Variants in HMOX2 observed in about 807,000 individuals in gnomAD.
HMOX2 encodes heme oxygenase 2.
In HMOX2, 30 loss-of-function variants were observed where a neutral mutation model predicts 33.7. That is an observed-to-expected ratio of 0.89 (90% CI 0.67 to 1.21). The LOEUF is 1.21. HMOX2 is among the 50% of genes most tolerant of loss of function. The probability of loss-of-function intolerance (pLI) is 0.00; values close to 1 mark genes in which losing one functional copy is unlikely to be tolerated. For missense variants in HMOX2, 403 were observed against 399.1 expected, an observed-to-expected ratio of 1.01 and a Z score of -0.08; for synonymous variants, 155 against 155.0, an observed-to-expected ratio of 1.00 and a Z score of 0.00.
At chr16:4,507,158 C>A in intron 3 of HMOX2, 146 bp downstream of exon 3, 1 of 680,986 alleles carries the variant, frequency 1.5e-6, no homozygotes, top group Non-Finnish European at 2.7e-6. Flanking sequence ...TAAGCTCTGG[C>A]TCTCGGCTGG....
chr16:4,506,878 C>T lies in HMOX2; in HGVS notation c.87-17C>T, dbSNP rs1320826713. 5 of 1,561,152 alleles carry T rather than the reference C, an allele frequency of 3.2e-6. No individual in the cohort carries two copies. Among genetic ancestry groups the T allele is most frequent in the Admixed American group, 1.7e-5 (1 of 59,926 alleles). On this transcript the variant is annotated splice_polypyrimidine_tract_variant and intron_variant, in intron 2 of 5. Transcript: ENST00000570646. ...GAAGGGCTAATTGACACACAAACACCTCCCATCTCTCCACAGAATGGCTGA... is the reference window on the plus strand; with the variant it reads ...GAAGGGCTAATTGACACACAAACACTTCCCATCTCTCCACAGAATGGCTGA...
At chr16:4,509,387 C>T (rs747700707) in intron 4 of HMOX2, 25 bp from the exon 5 acceptor site, 13 of 1,605,808 alleles carry the variant, frequency 8.1e-6, no homozygotes, top group Non-Finnish European at 2.5e-6. Context: ...CCAAAGATGG[C>T]TCAGTCGATC....
In HMOX2 at chr16:4,507,725, G is replaced by A. The variant is rs772761316; in HGVS notation, c.217G>A (p.Ala73Thr). The A allele has an allele frequency of 9.9e-6, 16 of 1,613,688 alleles. No homozygotes were observed. The Middle Eastern group carries it at 4.9e-4, about 50-fold the overall frequency. ...GTCACCTCCACAGCTGGCCACCACG[G>A]CACTTTACTTCACATACTCAGCCCT... Reference protein sequence around the residue: ...KKELFKLATTALYFTYSALEE... With the variant: ...KKELFKLATTTLYFTYSALEE... The change falls in exon 4 of 6, where the codon GCA becomes ACA. Residue 73 changes from alanine to threonine, a missense_variant. Ala to Thr is a moderately conservative substitution (Grantham distance 58). Coordinates refer to ENST00000570646, the MANE Select transcript of HMOX2 (RefSeq NM_002134.4).
chr16:4,481,361 A>AG (rs941906035), intron 1 of HMOX2, among the ~76,000 whole-genome samples: 9 of 151,808 alleles, frequency 5.9e-5, no homozygotes, highest in African/African-American at 1.9e-4. Flanking sequence ...AAAAAAAAAA[A>AG]AAAAGAAAAA....
At chr16:4,504,304 T>G (rs2058632727) in intron 1 of HMOX2, among the ~76,000 whole-genome samples, 1 of 151,946 alleles carries the variant, frequency 6.6e-6, no homozygotes, top group Non-Finnish European at 1.5e-5. Flanking sequence ...TTGCCAAGCT[T>G]TTTGTTTCCC....
intron 1 of HMOX2, among the ~76,000 whole-genome samples, chr16:4,486,722 C>T (rs548023632): frequency 2.6e-5 from 4 of 152,126 alleles, no homozygotes; most frequent in Admixed American, 6.6e-5. Context: ...GATAAGAGAC[C>T]GTGCCCAGAG....
intron 1 of HMOX2, among the ~76,000 whole-genome samples, chr16:4,487,989 T>G (rs1596453260): frequency 6.9e-6 from 1 of 144,450 alleles, no homozygotes; most frequent in Non-Finnish European, 1.5e-5. Context: ...CGGGTGTGGT[T>G]TTGCATGCCT....
In HMOX2 at chr16:4,483,930, C is replaced by A. The variant is rs1016527392; in HGVS notation, c.-42+7443C>A. On this transcript the variant is annotated intron_variant, in intron 1 of 5. Transcript: ENST00000570646. ...TCCAGCCTCAAATTTATCTCTGTAT[C>A]TTCTTCTAAATTACAGTATCACACC... Among the ~76,000 whole-genome samples, 7 of 149,904 alleles carry A rather than the reference C, an allele frequency of 4.7e-5. No homozygotes were observed. The East Asian group carries it at 1.4e-3, about 30-fold the overall frequency.
chr16:4,494,969 C>T (rs2058385038), intron 1 of HMOX2, among the ~76,000 whole-genome samples: 1 of 152,058 alleles, frequency 6.6e-6, no homozygotes, highest in Admixed American at 6.5e-5. Flanking sequence ...GCTAGGAGGT[C>T]AAGACCAGTC....
rs552735275 is a variant in HMOX2, at chr16:4,499,726, A to G, written c.-41-5758A>G. ...ATGTGAGCTGATGGATATGTTAATA[A>G]CCCTGATTTAATTATTCCCCAATGT... On this transcript the variant is annotated intron_variant, in intron 1 of 5. Transcript: ENST00000570646. Among the ~76,000 whole-genome samples, 429 of 152,332 alleles carry G rather than the reference A, an allele frequency of 2.8e-3. 3 individuals are homozygous for G. The highest frequency in any genetic ancestry group is 4.6e-3 in the Non-Finnish European group (313 of 68,032).
chr16:4,498,561 G>C (rs2058479859), intron 1 of HMOX2, among the ~76,000 whole-genome samples: 1 of 151,954 alleles, frequency 6.6e-6, no homozygotes, highest in Non-Finnish European at 1.5e-5. Context: ...TTTTCGTAGA[G>C]ACAAGGTCTG....
rs1369676590 is a variant in HMOX2 at position 4,506,900 on chromosome 16, C to G, written c.92C>G (p.Ala31Gly). Residue 31 changes from alanine (A) to glycine (G), a missense_variant, in exon 3 of 6, where the codon GCT becomes GGT. By Grantham distance (60) the Ala-to-Gly change is moderately conservative. Transcript: ENST00000570646. ...CACCTCCCATCTCTCCACAGAATGG[C>G]TGACCTCTCGGAGCTCCTGAAGGAA... ...ALEKENQMRM[A>G]DLSELLKEGT... is the part of the protein sequence containing the mutation. The G allele has an allele frequency of 3.7e-6, 6 of 1,611,886 alleles. No individual in the cohort carries two copies.
At chr16:4,501,907 C>T (rs921208275) in intron 1 of HMOX2, among the ~76,000 whole-genome samples, 2 of 152,228 alleles carry the variant, frequency 1.3e-5, no homozygotes, top group African/African-American at 4.8e-5. Context: ...CCAGGAGCCT[C>T]CTCTGCCCCC....
intron 4 of HMOX2, 25 bp downstream of exon 4, chr16:4,508,229 T>C: frequency 6.3e-7 from 1 of 1,575,482 alleles, no homozygotes; most frequent in Non-Finnish European, 8.6e-7. Flanking sequence ...TGCCAGCTGC[T>C]AGGGCTGAAG....
At chr16:4,503,767 A>C (rs1055535873) in intron 1 of HMOX2, among the ~76,000 whole-genome samples, 11 of 152,280 alleles carry the variant, frequency 7.2e-5, no homozygotes, top group Admixed American at 6.5e-5. Context: ...GTAACTAGGT[A>C]TCTAGAGAAA....
intron 1 of HMOX2, among the ~76,000 whole-genome samples, chr16:4,484,254 G>A (rs1037440705): frequency 4.0e-5 from 6 of 151,762 alleles, no homozygotes; most frequent in Admixed American, 1.3e-4. Context: ...GATTACAGGC[G>A]TGAGCCACTG....
chr16:4,497,963 T>G (rs2058462931), intron 1 of HMOX2, among the ~76,000 whole-genome samples: 1 of 152,154 alleles, frequency 6.6e-6, no homozygotes, highest in Non-Finnish European at 1.5e-5. Context: ...TTGTTTTGCT[T>G]TTGCCTGCCT....
chr16:4,487,812 G>A (rs1033925290), intron 1 of HMOX2, among the ~76,000 whole-genome samples: 18 of 151,360 alleles, frequency 1.2e-4, no homozygotes, highest in African/African-American at 1.2e-4. Flanking sequence ...TTAGCCGGGC[G>A]CGGTGGCATA....
At chr16:4,508,251 G>T in intron 4 of HMOX2, 47 bp downstream of exon 4, 1 of 1,554,254 alleles carries the variant, frequency 6.4e-7, no homozygotes, top group South Asian at 1.2e-5. Context: ...GGGAAACTTT[G>T]ACAGTGGTAG....
Sources: gnomAD v4.1 joint callset for allele counts (sites outside exome capture counted in the v4.1 genomes callset) on GRCh38, gnomAD v4.1.1 for gene constraint, MANE v1.5 for transcripts, NCBI Gene and HGNC (gene_info 2026-07-23, HGNC 2026-07-21) for gene names.